MTOR: variants seen among roughly 807,000 people sequenced by gnomAD.
MTOR encodes serine/threonine-protein kinase mTOR.
MTOR carries 70 observed loss-of-function variants against 319.8 expected under a neutral mutation model. The observed-to-expected ratio is 0.22, with a 90% CI of 0.18 to 0.27. The LOEUF is 0.27. MTOR is among the 10% of genes least tolerant of loss of function. MTOR has a pLI of 1.00. For missense variants in MTOR, 1,890 were observed against 3,274.4 expected, an observed-to-expected ratio of 0.58 and a Z score of 10.32; for synonymous variants, 1,183 against 1,211.4, an observed-to-expected ratio of 0.98 and a Z score of 0.49.
intron 28 of MTOR, among the ~76,000 whole-genome samples, chr1:11,182,381 ATACAATACTACTACTTGG>A (rs1348226827): frequency 6.6e-6 from 1 of 152,220 alleles, no homozygotes; most frequent in Non-Finnish European, 1.5e-5. Flanking sequence ...GTACTAAATA[ATACAATACTACTACTTGG>A]TACAATACTA....
At chr1:11,165,347 G>A (rs370129779) in intron 29 of MTOR, among the ~76,000 whole-genome samples, 4,527 of 152,056 alleles carry the variant, frequency 0.03, 177 homozygotes, top group Admixed American at 0.071. Context: ...AGAAAACCCC[G>A]TCATCTCAGC....
At position 11,127,497 on chromosome 1, in the gene MTOR, GA is replaced by G; in HGVS notation, c.6216+126del. ...ATTAAAGTCAGTGGAAAGGCCAGAG[GA>G]AAAGAAATCTGACAAAGGCCTTGGG... On this transcript the variant is annotated intron_variant, in intron 44 of 57. Coordinates refer to ENST00000361445, the MANE Select transcript of MTOR (RefSeq NM_004958.4). The surrounding 1 kb of genome is among the most constrained non-coding windows in gnomAD (Gnocchi z 5.5). The G allele has an allele frequency of 8.6e-7, 1 of 1,156,992 alleles. No homozygotes were observed. The highest frequency in any genetic ancestry group is 1.2e-6 in the Non-Finnish European group (1 of 834,064). 71.7% of individuals were successfully genotyped at this position (1,156,992 alleles called of 1,614,324 possible). A position where few individuals can be genotyped will look rare whatever the true frequency, so the allele number is the denominator to read the frequency against.
At position 11,212,950 on chromosome 1, in the gene MTOR, C is replaced by T; in HGVS notation, c.3286-42G>A. 6.7e-7 allele frequency: 1 copy of T among 1,500,926 alleles called. No homozygotes were observed. The highest frequency in any genetic ancestry group is 9.3e-7 in the Non-Finnish European group (1 of 1,077,526). 93.0% of individuals were successfully genotyped at this position (1,500,926 alleles called of 1,614,324 possible). A position where few individuals can be genotyped will look rare whatever the true frequency, so the allele number is the denominator to read the frequency against. ...AAGCATGGTGATGAATAGTCAGGTC[C>T]CAAGTATCTAAGGACACGCAGCGGG... On this transcript the variant is annotated intron_variant, in intron 21 of 57. Transcript: ENST00000361445. The surrounding 1 kb of genome is among the most constrained non-coding windows in gnomAD (Gnocchi z 4.1).
rs1649099379 is a variant in MTOR at position 11,248,190 on chromosome 1, C to T, written c.841-96G>A. On this transcript the variant is annotated intron_variant, in intron 6 of 57. Transcript: ENST00000361445. ...ACAGACAATTACATTTGCCTAATCC[C>T]GAAACGCAACTACTTCCAAAGTGAA... The T allele has an allele frequency of 3.2e-6, 4 of 1,256,056 alleles. No individual in the cohort carries two copies. The South Asian group carries it at 4.4e-5, about 14-fold the overall frequency. 77.8% of individuals were successfully genotyped at this position (1,256,056 alleles called of 1,614,324 possible). A position where few individuals can be genotyped will look rare whatever the true frequency, so the allele number is the denominator to read the frequency against.
At position 11,127,846 on chromosome 1, in the gene MTOR, G is replaced by T. The variant is rs2100410079; in HGVS notation, c.6034-40C>A. On this transcript the variant is annotated intron_variant, in intron 43 of 57. Transcript: ENST00000361445. The surrounding 1 kb of genome is among the most constrained non-coding windows in gnomAD (Gnocchi z 5.5). ...AGAAGGAGAGAAGCATCAAGAATCA[G>T]CTAACCTCAGAAAGGTCTGTTTTGG... is the stretch of plus-strand genomic sequence containing the variant. 6.3e-7 allele frequency: 1 copy of T among 1,597,254 alleles called. No individual in the cohort carries two copies. The highest frequency in any genetic ancestry group is 8.5e-7 in the Non-Finnish European group (1 of 1,171,480).
At chr1:11,111,407 G>A (rs546228261) in intron 54 of MTOR, 10 of 220,876 alleles carry the variant, frequency 4.5e-5, no homozygotes, top group South Asian at 3.8e-4. Context: ...CTTGAACTCG[G>A]GAGGCAGAGG....
At chr1:11,174,650 T>C (rs533702482) in intron 28 of MTOR, among the ~76,000 whole-genome samples, 4 of 152,326 alleles carry the variant, frequency 2.6e-5, no homozygotes, top group African/African-American at 9.6e-5. Flanking sequence ...TCTAATGAGA[T>C]GTGGTTTTTA....
chr1:11,120,464 G>A (rs1026822875), intron 49 of MTOR, among the ~76,000 whole-genome samples: 1 of 151,984 alleles, frequency 6.6e-6, no homozygotes, highest in Non-Finnish European at 1.5e-5. Context: ...CTTGAACCCA[G>A]GGGGCAGAGG....
At position 11,233,415 on chromosome 1, in the gene MTOR, T is replaced by C. The variant is rs759118671; in HGVS notation, c.2404A>G (p.Ile802Val). The change falls in exon 15 of 58, where the codon ATA becomes GTA. Residue 802 changes from isoleucine (I) to valine (V), a missense_variant. Physicochemically the swap from Ile to Val is conservative, Grantham distance 29. Around this residue, in one of 15 missense-constraint regions of MTOR, gnomAD observed 377 missense variants for 653.9 expected, o/e 0.58. Transcript: ENST00000361445. Reference protein sequence around the residue: ...PGVINNVLATIGELAQVSGLE... With the variant: ...PGVINNVLATVGELAQVSGLE... ...CCCTTTACCTGTGCCAATTCTCCTA[T>C]TGTTGCCAGGACATTATTGATCACA... The C allele has an allele frequency of 4.3e-6, 7 of 1,614,102 alleles. No homozygotes were observed. In the East Asian group the frequency reaches 6.7e-5, roughly 15 times the overall value.
intron 28 of MTOR, among the ~76,000 whole-genome samples, chr1:11,171,395 C>T (rs1349051428): frequency 6.6e-6 from 1 of 151,796 alleles, no homozygotes; most frequent in East Asian, 2.0e-4. Context: ...AATCCTCTGG[C>T]CTCGGCCTCC....
At chr1:11,201,998 G>A (rs952074807) in intron 26 of MTOR, among the ~76,000 whole-genome samples, 7 of 152,240 alleles carry the variant, frequency 4.6e-5, no homozygotes, top group African/African-American at 1.7e-4. Flanking sequence ...TAGAGATAGA[G>A]TCTCGCTAGG....
At chr1:11,241,343 G>C (rs1445532048) in intron 10 of MTOR, among the ~76,000 whole-genome samples, 1 of 143,238 alleles carries the variant, frequency 7.0e-6, no homozygotes, top group Middle Eastern at 3.3e-3. Flanking sequence ...AAAAAAAAAT[G>C]AGGCTCGGGG....
At chr1:11,243,058 G>A (rs888870737) in intron 9 of MTOR, 56 bp downstream of exon 9, 39 of 1,591,998 alleles carry the variant, frequency 2.4e-5, no homozygotes, top group African/African-American at 1.8e-4. Flanking sequence ...GAAATAGAGC[G>A]TCCTTCCTCT....
intron 8 of MTOR, among the ~76,000 whole-genome samples, chr1:11,246,903 TGGTTTCC>T (rs1199028182): frequency 6.6e-6 from 1 of 152,260 alleles, no homozygotes; most frequent in Non-Finnish European, 1.5e-5. Flanking sequence ...TAATATATAA[TGGTTTCC>T]ACTTATTAGG....
In MTOR at chr1:11,127,129, A is replaced by G. The variant is rs761085343; in HGVS notation, c.6232T>C (p.Leu2078=). The change falls in exon 45 of 58, where the codon TTA becomes CTA. Residue 2078 remains leucine (L), a synonymous_variant. Transcript: ENST00000361445. The surrounding 1 kb of genome is among the most constrained non-coding windows in gnomAD (Gnocchi z 5.5). Reference sequence around the variant, plus strand: ...CTGCACCACTCTTGGGCCTCCATTAAATCTCGACCATAGGCCTGAGAGAGA... The same window carrying G: ...CTGCACCACTCTTGGGCCTCCATTAGATCTCGACCATAGGCCTGAGAGAGA... The part of the protein sequence containing the change: ...TSFNQAYGRD[L]MEAQEWCRKY... 6.2e-7 allele frequency: 1 copy of G among 1,614,066 alleles called. No individual in the cohort carries two copies. The highest frequency in any genetic ancestry group is 8.5e-7 in the Non-Finnish European group (1 of 1,180,046).
intron 4 of MTOR, among the ~76,000 whole-genome samples, 196 bp downstream of exon 4, chr1:11,256,737 G>A (rs892626624): frequency 1.3e-5 from 2 of 152,070 alleles, no homozygotes; most frequent in Admixed American, 6.6e-5. Flanking sequence ...TGGAAAGCAC[G>A]CAGCTGATGC....
At chr1:11,120,877 T>A (rs1225343773) in intron 49 of MTOR, among the ~76,000 whole-genome samples, 3 of 152,158 alleles carry the variant, frequency 2.0e-5, no homozygotes, top group Non-Finnish European at 2.9e-5. Flanking sequence ...ATGCAGAAGC[T>A]ACGGATATGG....
At position 11,127,164 on chromosome 1, in the gene MTOR, C is replaced by T. The variant is rs763010045; in HGVS notation, c.6217-20G>A. On this transcript the variant is annotated intron_variant, in intron 44 of 57. Coordinates refer to ENST00000361445, the MANE Select transcript of MTOR (RefSeq NM_004958.4). The surrounding 1 kb of genome is among the most constrained non-coding windows in gnomAD (Gnocchi z 5.5). ...ATAGGCCTGAGAGAGAAAGCAGGCA[C>T]GTTTTCAAGTTATCAAAGTCTCAAC... 2.2e-5 allele frequency: 35 copies of T among 1,612,864 alleles called. No homozygotes were observed. Among genetic ancestry groups the T allele is most frequent in the South Asian group, 3.3e-5 (3 of 90,928 alleles).
At chr1:11,163,704 A>C (rs1644550913) in intron 29 of MTOR, among the ~76,000 whole-genome samples, 1 of 152,258 alleles carries the variant, frequency 6.6e-6, no homozygotes, top group Non-Finnish European at 1.5e-5. Context: ...AATGAAATGA[A>C]GGCAGAAATA....
Sources: allele counts gnomAD v4.1 joint callset (sites outside exome capture counted in the v4.1 genomes callset), GRCh38; gene constraint gnomAD v4.1.1; regional missense constraint gnomAD v4.1.1; non-coding constraint Gnocchi (gnomAD v3.1); transcripts MANE v1.5; gene names NCBI Gene and HGNC (gene_info 2026-07-23, HGNC 2026-07-21).